The following PDZD2 variants were observed in gnomAD, a reference collection of about 807,000 sequenced individuals.
The protein encoded by PDZD2 is PDZ domain-containing protein 2.
PDZD2 carries 90 observed loss-of-function variants against 220.7 expected under a neutral mutation model. That is an observed-to-expected ratio of 0.41 (90% confidence interval 0.34 to 0.49). PDZD2 has a LOEUF of 0.49. Among genes scored for constraint, PDZD2 ranks in the 20% least tolerant of loss-of-function variants. PDZD2 has a pLI of 0.28. For synonymous variants in PDZD2, 1,375 were observed against 1,450.5 expected (o/e 0.95, Z 1.18); for missense variants, 3,174 against 3,608.5 (o/e 0.88, Z 3.08).
intron 2 of PDZD2, among the ~76,000 whole-genome samples, chr5:31,849,737 T>C (rs1487321356): frequency 8.6e-5 from 13 of 150,414 alleles, no homozygotes; most frequent in Non-Finnish European, 3.0e-5. Context: ...CCAGCTACTA[T>C]GGAGGCTGAG....
At chr5:32,029,563 G>T (rs1399786729) in intron 6 of PDZD2, among the ~76,000 whole-genome samples, 2 of 152,022 alleles carry the variant, frequency 1.3e-5, no homozygotes, top group Non-Finnish European at 2.9e-5. Flanking sequence ...ACAGGCTCGG[G>T]GGTGTGCACA....
intron 1 of PDZD2, among the ~76,000 whole-genome samples, chr5:31,728,171 C>CT (rs1048736436): frequency 1.1e-4 from 16 of 152,082 alleles, no homozygotes; most frequent in African/African-American, 3.9e-4. Flanking sequence ...GGGTGAGGGA[C>CT]TTGGCAGCAT....
At chr5:31,777,822 A>T (rs2150205712) in intron 1 of PDZD2, among the ~76,000 whole-genome samples, 1 of 150,886 alleles carries the variant, frequency 6.6e-6, no homozygotes, top group South Asian at 2.1e-4. Context: ...GTATCTAGCT[A>T]ATCTGGTGGG....
intron 3 of PDZD2, among the ~76,000 whole-genome samples, chr5:31,986,177 T>C (rs934851845): frequency 8.1e-5 from 12 of 148,722 alleles, no homozygotes; most frequent in Admixed American, 5.4e-4. Flanking sequence ...AGGTCAAACA[T>C]CCTATGAGGT....
intron 1 of PDZD2, among the ~76,000 whole-genome samples, chr5:31,764,409 G>C (rs1751861468): frequency 6.6e-6 from 1 of 152,104 alleles, no homozygotes; most frequent in Admixed American, 6.6e-5. Context: ...CTCTAGATCA[G>C]ATGTCCAAAA....
intron 1 of PDZD2, among the ~76,000 whole-genome samples, chr5:31,659,892 G>A (rs925233309): frequency 1.3e-5 from 2 of 152,176 alleles, no homozygotes; most frequent in South Asian, 2.1e-4. Flanking sequence ...TACCAACTTT[G>A]AGGTTTAATT....
Position 32,087,714 on chromosome 5 carries a change from C to T in PDZD2, c.4266C>T (p.Ser1422=), listed in dbSNP as rs1430869857. The change falls in exon 20 of 25, where the codon AGC becomes AGT. Residue 1422 remains serine (S), a synonymous_variant. Coordinates refer to ENST00000438447, the MANE Select transcript of PDZD2 (RefSeq NM_178140.4). The surrounding 1 kb of genome is among the most constrained non-coding windows in gnomAD (Gnocchi z 4.0). ...GHCCPGGSRE[S]PVTDIDSFIK... is the part of the protein sequence containing the mutation. ...GCTGCCCAGGGGGGAGTAGAGAGAG[C>T]CCTGTGACGGACATTGACAGCTTCA... The T allele has an allele frequency of 6.2e-7, 1 of 1,613,860 alleles. No homozygotes were observed. Among genetic ancestry groups the T allele is most frequent in the Non-Finnish European group, 8.5e-7 (1 of 1,179,822 alleles).
At chr5:31,917,529 A>G (rs1353814324) in intron 2 of PDZD2, among the ~76,000 whole-genome samples, 1 of 152,164 alleles carries the variant, frequency 6.6e-6, no homozygotes, top group Non-Finnish European at 1.5e-5. Flanking sequence ...CCCTTTCTCA[A>G]AAATAAACAT....
At chr5:31,887,776 C>T (rs1229902316) in intron 2 of PDZD2, among the ~76,000 whole-genome samples, 1 of 151,480 alleles carries the variant, frequency 6.6e-6, no homozygotes, top group African/African-American at 2.4e-5. Context: ...CCCTGTGTCT[C>T]AAAACTGTCC....
At chr5:31,816,469 A>G (rs1045522836) in intron 2 of PDZD2, among the ~76,000 whole-genome samples, 4 of 152,064 alleles carry the variant, frequency 2.6e-5, no homozygotes, top group Admixed American at 1.3e-4. Flanking sequence ...AAATAAGAAA[A>G]TAACTACTTT....
chr5:31,985,877 G>A (rs1750671987), intron 3 of PDZD2, among the ~76,000 whole-genome samples: 2 of 151,686 alleles, frequency 1.3e-5, no homozygotes, highest in South Asian at 4.2e-4. Context: ...TCAGGAGTTC[G>A]AGACCAGCCT....
At chr5:31,972,974 TAGA>T (rs753658068) in intron 2 of PDZD2, among the ~76,000 whole-genome samples, 4 of 152,230 alleles carry the variant, frequency 2.6e-5, no homozygotes, top group Non-Finnish European at 5.9e-5. Flanking sequence ...CACTGGCAAA[TAGA>T]AGCCTAGAGA....
chr5:31,922,766 C>T (rs71627336), intron 2 of PDZD2, among the ~76,000 whole-genome samples: 1 of 152,014 alleles, frequency 6.6e-6, no homozygotes, highest in South Asian at 2.1e-4. Context: ...CCCCGCCCCC[C>T]CCTCCGGGCT....
At chr5:31,810,263 ATTT>A (rs11418133) in intron 2 of PDZD2, among the ~76,000 whole-genome samples, 1 of 132,736 alleles carries the variant, frequency 7.5e-6, no homozygotes, top group Non-Finnish European at 1.6e-5. Context: ...TTCTCCAGAG[ATTT>A]TTTTTTTTTT....
intron 2 of PDZD2, among the ~76,000 whole-genome samples, chr5:31,801,396 T>C (rs765909496): frequency 6.6e-6 from 1 of 152,218 alleles, no homozygotes; most frequent in Non-Finnish European, 1.5e-5. Flanking sequence ...CTCAAGATGC[T>C]GCAGGGAGCT....
chr5:31,721,628 TATC>T (rs1748802786), intron 1 of PDZD2, among the ~76,000 whole-genome samples: 1 of 151,574 alleles, frequency 6.6e-6, no homozygotes, highest in Non-Finnish European at 1.5e-5. Context: ...ATTTATGGGC[TATC>T]TTTAAAAAAG....
chr5:31,932,970 G>A (rs936944087), intron 2 of PDZD2, among the ~76,000 whole-genome samples: 4 of 151,308 alleles, frequency 2.6e-5, no homozygotes, highest in African/African-American at 9.7e-5. Flanking sequence ...GAGTGCTATG[G>A]TGCAATCTCG....
intron 1 of PDZD2, among the ~76,000 whole-genome samples, chr5:31,768,640 CAAAAA>C (rs35950291): frequency 7.9e-6 from 1 of 126,048 alleles, no homozygotes. Context: ...GACTCTGTCT[CAAAAA>C]AAAAAAAAAA....
intron 1 of PDZD2, among the ~76,000 whole-genome samples, chr5:31,707,714 A>G (rs969188331): frequency 6.6e-5 from 10 of 152,200 alleles, no homozygotes; most frequent in African/African-American, 2.4e-4. Context: ...TGTAGCATCA[A>G]CTCCTGTGTT....
Sources: allele counts gnomAD v4.1 joint callset (sites outside exome capture counted in the v4.1 genomes callset), GRCh38; gene constraint gnomAD v4.1.1; non-coding constraint Gnocchi (gnomAD v3.1); transcripts MANE v1.5; gene names NCBI Gene and HGNC (gene_info 2026-07-23, HGNC 2026-07-21).